The following RAD51B variants were observed in gnomAD, a reference collection of about 807,000 sequenced individuals.
The protein encoded by RAD51B is RAD51 paralog B.
RAD51B carries 38 observed loss-of-function variants against 42.2 expected under a neutral mutation model. That is an observed-to-expected ratio of 0.90 (90% CI 0.70 to 1.18). RAD51B has a LOEUF of 1.18. RAD51B is among the 50% of genes most tolerant of loss of function. The pLI, the probability that RAD51B is intolerant of heterozygous loss-of-function variation, is 0.00. For synonymous variants in RAD51B, 154 were observed against 145.2 expected (o/e 1.06, Z -0.43); for missense variants, 373 against 400.7 (o/e 0.93, Z 0.59).
chr14:68,262,772 G>A (rs2139553867), intron 7 of RAD51B, among the ~76,000 whole-genome samples: 1 of 152,262 alleles, frequency 6.6e-6, no homozygotes, highest in Non-Finnish European at 1.5e-5. Flanking sequence ...TATCTCTGAA[G>A]ACACACGGAC....
At chr14:68,508,924 T>G (rs1173875312) in intron 10 of RAD51B, among the ~76,000 whole-genome samples, 1 of 152,250 alleles carries the variant, frequency 6.6e-6, no homozygotes, top group African/African-American at 2.4e-5. Context: ...TGCTTTGTCC[T>G]CCTGAAGCAC....
chr14:68,019,635 T>C (rs1362232900), intron 7 of RAD51B, among the ~76,000 whole-genome samples: 1 of 152,170 alleles, frequency 6.6e-6, no homozygotes, highest in East Asian at 1.9e-4. Context: ...ACTTTGGAAC[T>C]TGAGTGTGTG....
intron 8 of RAD51B, among the ~76,000 whole-genome samples, chr14:68,311,579 A>G (rs2081968478): frequency 6.6e-6 from 1 of 152,200 alleles, no homozygotes; most frequent in Admixed American, 6.5e-5. Flanking sequence ...ATTTGTGAGG[A>G]GGACAAGATT....
chr14:68,008,975 C>T (rs987153877), intron 7 of RAD51B, among the ~76,000 whole-genome samples: 4 of 151,962 alleles, frequency 2.6e-5, no homozygotes, highest in Admixed American at 2.6e-4. Flanking sequence ...TTCTCTTTCA[C>T]TCTGATCTCC....
At chr14:68,628,730 T>G (rs979656346) in intron 10 of RAD51B, among the ~76,000 whole-genome samples, 4 of 151,888 alleles carry the variant, frequency 2.6e-5, no homozygotes, top group Non-Finnish European at 5.9e-5. Flanking sequence ...GTTTCTTGTC[T>G]TCTTCTTCCA....
intron 9 of RAD51B, among the ~76,000 whole-genome samples, chr14:68,453,703 C>G (rs1413010437): frequency 6.6e-6 from 1 of 152,102 alleles, no homozygotes; most frequent in East Asian, 1.9e-4. Flanking sequence ...ATGTAGCAAC[C>G]AAACAAGAGA....
intron 11 of RAD51B, among the ~76,000 whole-genome samples, chr14:68,659,570 G>A (rs993066570): frequency 3.3e-5 from 5 of 152,198 alleles, no homozygotes; most frequent in South Asian, 2.1e-4. Context: ...GGAGGGTCCC[G>A]ACTGCCCTGA....
chr14:68,297,026 A>G (rs1038902581), intron 8 of RAD51B, among the ~76,000 whole-genome samples: 14 of 152,200 alleles, frequency 9.2e-5, no homozygotes, highest in Admixed American at 2.6e-4. Flanking sequence ...GGCTGATTTC[A>G]TGTGCAAGAG....
At chr14:68,158,544 A>C (rs917643150) in intron 7 of RAD51B, among the ~76,000 whole-genome samples, 1 of 152,220 alleles carries the variant, frequency 6.6e-6, no homozygotes, top group Non-Finnish European at 1.5e-5. Flanking sequence ...TCAGTCAGTT[A>C]ATATACTTTA....
intron 9 of RAD51B, among the ~76,000 whole-genome samples, chr14:68,433,633 T>C (rs925258765): frequency 1.3e-5 from 2 of 152,192 alleles, no homozygotes; most frequent in Non-Finnish European, 2.9e-5. Flanking sequence ...CTGGTTATTC[T>C]AGTTAGCCAT....
At chr14:68,682,885 T>C in intron 11 of RAD51B, 2 of 934,744 alleles carry the variant, frequency 2.1e-6, no homozygotes, top group South Asian at 1.0e-4. Flanking sequence ...CTTTTTTTTT[T>C]TTAATAAAAA....
At chr14:68,100,988 C>T (rs1338456799) in intron 7 of RAD51B, among the ~76,000 whole-genome samples, 1 of 152,122 alleles carries the variant, frequency 6.6e-6, no homozygotes, top group Non-Finnish European at 1.5e-5. Flanking sequence ...AGGAAACTTA[C>T]AGTCATGGCA....
intron 10 of RAD51B, among the ~76,000 whole-genome samples, chr14:68,606,562 T>C (rs940722540): frequency 1.3e-5 from 2 of 152,170 alleles, no homozygotes; most frequent in African/African-American, 2.4e-5. Context: ...TCTGGAAAGG[T>C]ATGCCATGTT....
chr14:68,364,833 T>A (rs538287363), intron 8 of RAD51B, among the ~76,000 whole-genome samples: 1 of 152,358 alleles, frequency 6.6e-6, no homozygotes, highest in East Asian at 1.9e-4. Flanking sequence ...GGTTTAATTT[T>A]ATTTTTATTG....
chr14:68,515,408 C>G (rs1440598931), intron 10 of RAD51B, among the ~76,000 whole-genome samples: 1 of 150,002 alleles, frequency 6.7e-6, no homozygotes, highest in Non-Finnish European at 1.5e-5. Flanking sequence ...GACATATGGA[C>G]CAATAATTTC....
rs77257504 is a variant in RAD51B at position 68,491,995 on chromosome 14, C to T, written c.1036+23745C>T. Reference sequence around the variant, plus strand: ...TGCTTCTTCGCCTCTCACAGCTCCTCGCTTGCTCACCTGTTGCAGCCACAC... The same window carrying T: ...TGCTTCTTCGCCTCTCACAGCTCCTTGCTTGCTCACCTGTTGCAGCCACAC... On this transcript the variant is annotated intron_variant, in intron 10 of 10. Coordinates refer to the RAD51B transcript ENST00000487270. Among the ~76,000 whole-genome samples the T allele has an allele frequency of 8.0e-3, 1,215 of 152,356 alleles. 19 individuals are homozygous for T. The highest frequency in any genetic ancestry group is 0.028 in the African/African-American group (1,181 of 41,580).
At chr14:68,559,717 G>A (rs1333528080) in intron 10 of RAD51B, among the ~76,000 whole-genome samples, 2 of 152,140 alleles carry the variant, frequency 1.3e-5, no homozygotes, top group Admixed American at 6.6e-5. Context: ...ATTAATCAAA[G>A]GAAGACTGCA....
chr14:68,197,911 T>C (rs1366108739), intron 7 of RAD51B, among the ~76,000 whole-genome samples: 1 of 152,184 alleles, frequency 6.6e-6, no homozygotes, highest in Non-Finnish European at 1.5e-5. Flanking sequence ...GTACTATAAC[T>C]ATGTCCTCGC....
chr14:68,521,187 A>T (rs1241187020), intron 10 of RAD51B, among the ~76,000 whole-genome samples: 2 of 152,190 alleles, frequency 1.3e-5, no homozygotes, highest in Non-Finnish European at 2.9e-5. Context: ...AGAGCTCACG[A>T]AGGAGGCACT....
Sources: allele counts gnomAD v4.1 joint callset (sites outside exome capture counted in the v4.1 genomes callset), GRCh38; gene constraint gnomAD v4.1.1; transcripts MANE v1.5; gene names NCBI Gene and HGNC (gene_info 2026-07-23, HGNC 2026-07-21).